The following JMY variants were observed in gnomAD, a reference collection of about 807,000 sequenced individuals.
JMY encodes the protein junction-mediating and -regulatory protein.
Under a neutral mutation model 103.3 loss-of-function variants are expected in JMY, and 46 were observed. The ratio of observed to expected loss-of-function variants is 0.45; its 90% CI spans 0.35 to 0.57. JMY has a LOEUF of 0.57. Ranked by LOEUF, JMY falls within the 20% of genes least tolerant of loss-of-function variation. The pLI is 0.00. For synonymous variants in JMY, 526 were observed against 489.3 expected, an observed-to-expected ratio of 1.07 and a Z score of -0.99; for missense variants, 1,238 against 1,255.2, an observed-to-expected ratio of 0.99 and a Z score of 0.21.
rs1747647083 is a variant in JMY at position 79,326,376 on chromosome 5, T to C, written c.*4774T>C. 1 of 151,726 alleles carries C rather than the reference T, an allele frequency of 6.6e-6. No homozygotes were observed. Among genetic ancestry groups the C allele is most frequent in the Admixed American group, 6.6e-5 (1 of 15,212 alleles). The allele number at this position is 151,726 out of a possible 1,614,324, so 9.4% of individuals were successfully genotyped here. On this transcript the variant is annotated 3_prime_UTR_variant, in exon 11 of 11. Transcript: ENST00000396137. The stretch of plus-strand genomic sequence containing the variant: ...TTTTTTTACTTGCATGTTCTATGGG[T>C]AGCTATCAAAGGGTGTAACAAATTA...
intron 1 of JMY, among the ~76,000 whole-genome samples, chr5:79,256,119 A>C (rs1287759386): frequency 6.6e-6 from 1 of 152,214 alleles, no homozygotes; most frequent in African/African-American, 2.4e-5. Flanking sequence ...ATTGTATGGC[A>C]GCTGAGCTGG....
Position 79,300,790 on chromosome 5 carries a change from A to C in JMY, c.1808A>C (p.Gln603Pro). Residue 603 changes from glutamine (Q) to proline (P), a missense_variant, in exon 6 of 11, where the codon CAG (glutamine) becomes CCG (proline). By Grantham distance (76) the Gln-to-Pro change is moderately conservative. Transcript: ENST00000396137. ...CAGAGAGAAGAGCTGCAGAAACTTC[A>C]GCAGAAAGCACGCCAGCTGGAAGCA... Reference protein sequence around the residue: ...YLQREELQKLQQKARQLEARR... With the variant: ...YLQREELQKLPQKARQLEARR... 6.2e-7 allele frequency: 1 copy of C among 1,612,126 alleles called. No homozygotes were observed. Among genetic ancestry groups the C allele is most frequent in the Non-Finnish European group, 8.5e-7 (1 of 1,179,348 alleles).
Position 79,314,453 on chromosome 5 carries a change from G to A in JMY, c.2261G>A (p.Ser754Asn). Reference sequence around the variant, plus strand: ...CCATCACAGACAACAGAACCCCAGAGCCTTGTGCAACTTGAAGATACTTCA... The same window carrying A: ...CCATCACAGACAACAGAACCCCAGAACCTTGTGCAACTTGAAGATACTTCA... ...RGPSQTTEPQSLVQLEDTSLT... is the reference protein window; with the variant it reads ...RGPSQTTEPQNLVQLEDTSLT... The change falls in exon 9 of 11, where the codon AGC becomes AAC. Residue 754 changes from serine to asparagine, a missense_variant. Transcript: ENST00000396137. 6.2e-7 allele frequency: 1 copy of A among 1,614,156 alleles called. No homozygotes were observed. The highest frequency in any genetic ancestry group is 8.5e-7 in the Non-Finnish European group (1 of 1,180,024).
chr5:79,304,702 A>G (rs1467811824), intron 6 of JMY, among the ~76,000 whole-genome samples: 15 of 152,170 alleles, frequency 9.9e-5, no homozygotes, highest in East Asian at 7.7e-4. Context: ...TCATTTAACT[A>G]TTACTGCTTA....
chr5:79,289,394 T>TA (rs1257652582), intron 2 of JMY, among the ~76,000 whole-genome samples: 1 of 152,038 alleles, frequency 6.6e-6, no homozygotes, highest in African/African-American at 2.4e-5. Context: ...TTTATCCTAA[T>TA]AAAGTTGTCA....
In JMY at chr5:79,290,210, T is replaced by C; in HGVS notation, c.1296T>C (p.Ala432=). The C allele has an allele frequency of 6.3e-7, 1 of 1,588,010 alleles. No homozygotes were observed. The highest frequency in any genetic ancestry group is 2.3e-5 in the East Asian group (1 of 43,942). The stretch of plus-strand genomic sequence containing the variant: ...ATTGGCAGCGGAAAGCTCACATGGC[T>C]GTACTGTCTATTCAAGATCTTACTG... ...DADWQRKAHM[A]VLSIQDLTVK... Residue 432 remains alanine, a synonymous_variant, in exon 3 of 11, where the codon GCT becomes GCC. Transcript: ENST00000396137.
chr5:79,316,812 A>G (rs1206775718), intron 10 of JMY, among the ~76,000 whole-genome samples: 1 of 151,238 alleles, frequency 6.6e-6, no homozygotes, highest in Non-Finnish European at 1.5e-5. Flanking sequence ...AGGCTGAGGC[A>G]AGAGAATCAC....
intron 6 of JMY, among the ~76,000 whole-genome samples, chr5:79,301,148 G>T (rs1357851900): frequency 6.6e-6 from 1 of 152,156 alleles, no homozygotes; most frequent in Non-Finnish European, 1.5e-5. Context: ...TATTTAAGGA[G>T]GCCCAGCGAT....
At chr5:79,257,951 CAG>C (rs1745297258) in intron 1 of JMY, among the ~76,000 whole-genome samples, 2 of 152,080 alleles carry the variant, frequency 1.3e-5, no homozygotes, top group Admixed American at 6.5e-5. Context: ...TTAGTAGAGA[CAG>C]GGTTTCACCA....
chr5:79,316,222 A>G lies in JMY; in HGVS notation c.2882A>G (p.His961Arg). The change falls in exon 10 of 11, where the codon CAT becomes CGT. Residue 961 changes from histidine to arginine, a missense_variant. His to Arg is a conservative substitution (Grantham distance 29). Transcript: ENST00000396137. ...ACAGACCCTCTAACACGGAGCATCC[A>G]TGAAGCTCTTAGAAGAATTAAAGAA... ...PDTDPLTRSI[H>R]EALRRIKEAS... is the part of the protein sequence containing the mutation. The G allele has an allele frequency of 6.2e-7, 1 of 1,613,838 alleles. No homozygotes were observed. Among genetic ancestry groups the G allele is most frequent in the Non-Finnish European group, 8.5e-7 (1 of 1,179,724 alleles).
intron 1 of JMY, among the ~76,000 whole-genome samples, chr5:79,238,267 C>T (rs1744587051): frequency 6.6e-6 from 1 of 151,780 alleles, no homozygotes. Context: ...TTTTGGACTA[C>T]CTCAGGTCTT....
intron 1 of JMY, among the ~76,000 whole-genome samples, chr5:79,249,591 T>C (rs906895532): frequency 6.6e-6 from 1 of 152,316 alleles, no homozygotes; most frequent in South Asian, 2.1e-4. Flanking sequence ...TTAAAGGAGA[T>C]GAATGGAGGA....
intron 6 of JMY, among the ~76,000 whole-genome samples, chr5:79,302,096 A>C (rs963550919): frequency 6.6e-6 from 1 of 151,946 alleles, no homozygotes; most frequent in East Asian, 1.9e-4. Context: ...AAAAAAAAAA[A>C]AAAAAACATT....
At chr5:79,257,709 C>T (rs758107005) in intron 1 of JMY, among the ~76,000 whole-genome samples, 5 of 152,160 alleles carry the variant, frequency 3.3e-5, no homozygotes, top group Non-Finnish European at 7.4e-5. Context: ...TTTCTCTTTA[C>T]GGACCCCTCA....
chr5:79,238,603 G>A (rs914042954), intron 1 of JMY, among the ~76,000 whole-genome samples: 2 of 150,790 alleles, frequency 1.3e-5, no homozygotes, highest in African/African-American at 4.9e-5. Context: ...TACTATTAAT[G>A]CAATTGAGAT....
chr5:79,304,062 G>T (rs73118323), intron 6 of JMY, among the ~76,000 whole-genome samples: 2,862 of 152,204 alleles, frequency 0.019, 94 homozygotes, highest in African/African-American at 0.066. Flanking sequence ...ATAAGTGTTA[G>T]CTCATAGCAA....
At chr5:79,291,321 A>G (rs748599442) in intron 4 of JMY, 22 bp downstream of exon 4, 5 of 1,522,694 alleles carry the variant, frequency 3.3e-6, no homozygotes, top group Middle Eastern at 1.7e-4. Flanking sequence ...CATCAGAAAT[A>G]TAAAATCAGA....
At chr5:79,285,768 TC>T (rs1392471955) in intron 2 of JMY, among the ~76,000 whole-genome samples, 1 of 152,158 alleles carries the variant, frequency 6.6e-6, no homozygotes, top group Non-Finnish European at 1.5e-5. Flanking sequence ...CACAGTTTTT[TC>T]CCCCTCATCT....
chr5:79,313,217 G>A (rs949588881), intron 8 of JMY, among the ~76,000 whole-genome samples: 2 of 152,032 alleles, frequency 1.3e-5, no homozygotes, highest in African/African-American at 2.4e-5. Flanking sequence ...TGCTTGAGCC[G>A]GGGAGTTCAA....
Sources: gnomAD v4.1 joint callset for allele counts (sites outside exome capture counted in the v4.1 genomes callset) on GRCh38, gnomAD v4.1.1 for gene constraint, MANE v1.5 for transcripts, NCBI Gene and HGNC (gene_info 2026-07-23, HGNC 2026-07-21) for gene names.